Variants in RANBP2 observed in about 807,000 individuals in gnomAD.
RANBP2 encodes the protein RAN binding protein 2.
Under a neutral mutation model 303.6 loss-of-function variants are expected in RANBP2, and 57 were observed. The observed-to-expected ratio is 0.19, with a 90% CI of 0.15 to 0.23. RANBP2 has a LOEUF of 0.23. Ranked by LOEUF, RANBP2 falls within the 10% of genes least tolerant of loss-of-function variation. RANBP2 has a pLI of 1.00. For synonymous variants in RANBP2, 1,167 were observed against 1,301.5 expected (o/e 0.90, Z 2.23); for missense variants, 3,138 against 3,780.8 (o/e 0.83, Z 4.46).
At chr2:109,629,692 T>C in the RANBP2 span, among the ~76,000 whole-genome samples, 1 of 151,704 alleles carries the variant, frequency 6.6e-6, no homozygotes, top group Admixed American at 6.6e-5. Flanking sequence ...ATACCTGTCG[T>C]CCCAGCTACT....
chr2:109,574,634 C>G, the RANBP2 span: 4 of 1,604,390 alleles, frequency 2.5e-6, no homozygotes, highest in Non-Finnish European at 3.4e-6. Context: ...AGAGAGTGGC[C>G]TGTCGGTGAA....
At chr2:108,856,092 A>G in the RANBP2 span, among the ~76,000 whole-genome samples, 1 of 152,150 alleles carries the variant, frequency 6.6e-6, no homozygotes, top group Non-Finnish European at 1.5e-5. Flanking sequence ...GTATCTTACT[A>G]CTTCATTTGC....
At chr2:109,349,806 T>C in the RANBP2 span, among the ~76,000 whole-genome samples, 3 of 152,228 alleles carry the variant, frequency 2.0e-5, no homozygotes, top group African/African-American at 7.2e-5. Context: ...TTTCCTGTCA[T>C]CACCATATAA....
At chr2:109,326,316 ACTAT>A in the RANBP2 span, among the ~76,000 whole-genome samples, 8 of 151,920 alleles carry the variant, frequency 5.3e-5, no homozygotes, top group South Asian at 2.1e-4. Flanking sequence ...TATATCATAG[ACTAT>A]CTACTTCACA....
chr2:108,867,084 G>A, the RANBP2 span, among the ~76,000 whole-genome samples: 1 of 152,054 alleles, frequency 6.6e-6, no homozygotes, highest in Non-Finnish European at 1.5e-5. Context: ...GAGTCACTGG[G>A]TTGAGAACTG....
the RANBP2 span, chr2:108,805,026 A>G: frequency 7.2e-7 from 1 of 1,392,590 alleles, no homozygotes; most frequent in Admixed American, 2.5e-5. Flanking sequence ...CTGTTTTAAT[A>G]TATACTGAAC....
the RANBP2 span, among the ~76,000 whole-genome samples, chr2:109,577,461 C>T: frequency 1.3e-5 from 2 of 151,572 alleles, no homozygotes; most frequent in Non-Finnish European, 2.9e-5. Context: ...GGCATGATGG[C>T]AGGTGCCTGT....
the RANBP2 span, among the ~76,000 whole-genome samples, chr2:109,087,601 C>T: frequency 6.6e-6 from 1 of 152,160 alleles, no homozygotes; most frequent in Non-Finnish European, 1.5e-5. Flanking sequence ...TTCAAGTCCT[C>T]CTGCTAACAC....
chr2:108,756,833 C>T (rs1676351385), intron 17 of RANBP2, among the ~76,000 whole-genome samples: 1 of 152,240 alleles, frequency 6.6e-6, no homozygotes, highest in East Asian at 1.9e-4. Context: ...TTAAAAATTA[C>T]AGTTACAGCA....
the RANBP2 span, among the ~76,000 whole-genome samples, chr2:109,019,278 G>A: frequency 6.6e-6 from 1 of 152,242 alleles, no homozygotes; most frequent in African/African-American, 2.4e-5. Context: ...GTGCTCCTCT[G>A]TGTGTGGTGC....
chr2:109,251,287 G>A, the RANBP2 span: 35 of 376,718 alleles, frequency 9.3e-5, no homozygotes, highest in Admixed American at 2.3e-4. Context: ...AATTACAGGC[G>A]TGAGCCACCA....
chr2:109,164,153 A>C, the RANBP2 span, among the ~76,000 whole-genome samples: 1 of 150,620 alleles, frequency 6.6e-6, no homozygotes, highest in Admixed American at 6.6e-5. Flanking sequence ...GTCCAGGAAA[A>C]CTCTGATGCC....
chr2:109,373,243 G>T, the RANBP2 span, among the ~76,000 whole-genome samples: 4 of 152,196 alleles, frequency 2.6e-5, no homozygotes, highest in African/African-American at 9.7e-5. Flanking sequence ...CTTAATGCGC[G>T]AATACCACTT....
the RANBP2 span, among the ~76,000 whole-genome samples, chr2:109,138,173 G>A: frequency 6.6e-6 from 1 of 152,088 alleles, no homozygotes; most frequent in Non-Finnish European, 1.5e-5. Context: ...GCACCACCAC[G>A]CCCGGCTAAC....
the RANBP2 span, chr2:108,794,593 G>A: frequency 6.2e-7 from 1 of 1,614,078 alleles, no homozygotes; most frequent in Non-Finnish European, 8.5e-7. Flanking sequence ...GTGTTGTAGT[G>A]ATGCAGGTGA....
chr2:109,335,938 G>A, the RANBP2 span, among the ~76,000 whole-genome samples: 1 of 152,176 alleles, frequency 6.6e-6, no homozygotes, highest in African/African-American at 2.4e-5. Flanking sequence ...AAGACACTTG[G>A]GGGCTGGGAG....
chr2:108,834,766 C>T, the RANBP2 span, among the ~76,000 whole-genome samples: 5 of 152,310 alleles, frequency 3.3e-5, no homozygotes, highest in South Asian at 8.3e-4. Flanking sequence ...TTCCTCCCTC[C>T]CCTGTAGACC....
At chr2:109,163,365 A>G in the RANBP2 span, among the ~76,000 whole-genome samples, 5 of 150,960 alleles carry the variant, frequency 3.3e-5, no homozygotes, top group Non-Finnish European at 7.4e-5. Flanking sequence ...TGGAGTTCTC[A>G]ATAGATTAAC....
At chr2:109,116,300 T>C in the RANBP2 span, among the ~76,000 whole-genome samples, 1 of 152,254 alleles carries the variant, frequency 6.6e-6, no homozygotes, top group African/African-American at 2.4e-5. Context: ...TTTCACATAG[T>C]TCCATATTTC....
Sources: allele counts gnomAD v4.1 joint callset (sites outside exome capture counted in the v4.1 genomes callset), GRCh38; gene constraint gnomAD v4.1.1; transcripts MANE v1.5; gene names NCBI Gene and HGNC (gene_info 2026-07-23, HGNC 2026-07-21).